Variants in RYR2 observed in about 807,000 individuals in gnomAD.
RYR2 encodes the protein cardiac muscle ryanodine receptor-calcium release channel.
A neutral mutation model predicts 601.1 loss-of-function variants in RYR2; 227 were observed. The ratio of observed to expected loss-of-function variants is 0.38; its 90% confidence interval spans 0.34 to 0.42. RYR2 has a LOEUF of 0.42. RYR2 is among the 10% of genes least tolerant of loss of function. The pLI, the probability that RYR2 is intolerant of heterozygous loss-of-function variation, is 1.00. For synonymous variants in RYR2, 2,223 were observed against 2,175.1 expected (o/e 1.02, Z -0.61); for missense variants, 4,646 against 6,156.5 (o/e 0.75, Z 8.21).
intron 35 of RYR2, among the ~76,000 whole-genome samples, chr1:237,606,554 T>C (rs921985747): frequency 7.2e-5 from 11 of 151,952 alleles, no homozygotes; most frequent in African/African-American, 2.7e-4. Context: ...CAACAAAAAC[T>C]AAAATTGACA....
intron 1 of RYR2, among the ~76,000 whole-genome samples, chr1:237,044,956 C>T (rs201866906): frequency 6.9e-6 from 1 of 144,574 alleles, no homozygotes; most frequent in African/African-American, 2.5e-5. Context: ...TCTTCTTCTT[C>T]TTTTTTTTTT....
intron 34 of RYR2, among the ~76,000 whole-genome samples, chr1:237,597,456 A>C (rs1256650909): frequency 6.6e-6 from 1 of 151,488 alleles, no homozygotes; most frequent in Non-Finnish European, 1.5e-5. Flanking sequence ...TAATTTTTGT[A>C]TTTTTAATAG....
chr1:237,326,176 G>A (rs1249286581), intron 2 of RYR2, among the ~76,000 whole-genome samples: 1 of 152,050 alleles, frequency 6.6e-6, no homozygotes, highest in Non-Finnish European at 1.5e-5. Flanking sequence ...AGCCAGCAAA[G>A]CCAGATGCTG....
chr1:237,535,758 T>G (rs919857316), intron 25 of RYR2, among the ~76,000 whole-genome samples: 7 of 152,198 alleles, frequency 4.6e-5, no homozygotes, highest in African/African-American at 1.4e-4. Context: ...AAGCTGAGTT[T>G]ATCCTAGTAG....
chr1:237,422,337 C>T (rs2150054095), intron 11 of RYR2, among the ~76,000 whole-genome samples: 1 of 152,224 alleles, frequency 6.6e-6, no homozygotes, highest in East Asian at 1.9e-4. Context: ...GCATATCCAT[C>T]ATCTCAAACG....
intron 3 of RYR2, among the ~76,000 whole-genome samples, chr1:237,341,466 A>AT (rs1247468201): frequency 2.0e-5 from 3 of 152,232 alleles, no homozygotes; most frequent in South Asian, 2.1e-4. Flanking sequence ...TCCTTCCTGC[A>AT]TTTTTTTGGT....
Position 237,391,927 on chromosome 1 carries a change from G to A in RYR2, c.773+3744G>A, listed in dbSNP as rs6429008. On this transcript the variant is annotated intron_variant, in intron 10 of 104. Transcript: ENST00000366574. ...ATTTTGCTTTTATGGATTGAATCCT[G>A]ACGTGTTCATGAAATACAGCATCAT... is the stretch of plus-strand genomic sequence containing the variant. Among the ~76,000 whole-genome samples the A allele has an allele frequency of 5.6e-3, 858 of 152,128 alleles. 14 individuals carry two copies. The highest frequency in any genetic ancestry group is 0.02 in the African/African-American group (823 of 41,522).
At chr1:237,443,905 T>C (rs561183008) in intron 13 of RYR2, among the ~76,000 whole-genome samples, 1 of 152,320 alleles carries the variant, frequency 6.6e-6, no homozygotes, top group South Asian at 2.1e-4. Flanking sequence ...CAGCTGGTCC[T>C]AGGTCTTTTA....
intron 79 of RYR2, among the ~76,000 whole-genome samples, chr1:237,736,577 T>G (rs562066153): frequency 6.6e-6 from 1 of 152,268 alleles, no homozygotes; most frequent in East Asian, 1.9e-4. Flanking sequence ...GCTCTCTCTC[T>G]GAAGACAAAA....
At chr1:237,722,442 T>A (rs1689806919) in intron 73 of RYR2, among the ~76,000 whole-genome samples, 1 of 151,754 alleles carries the variant, frequency 6.6e-6, no homozygotes, top group African/African-American at 2.4e-5. Flanking sequence ...TTTAATTTTT[T>A]TTTTTTTTTG....
At chr1:237,665,743 A>G (rs1684270398) in intron 56 of RYR2, among the ~76,000 whole-genome samples, 1 of 152,148 alleles carries the variant, frequency 6.6e-6, no homozygotes, top group African/African-American at 2.4e-5. Context: ...TGTAACACTC[A>G]CTTTTATTTC....
At chr1:237,546,074 A>G (rs1484779919) in intron 25 of RYR2, among the ~76,000 whole-genome samples, 4 of 151,788 alleles carry the variant, frequency 2.6e-5, no homozygotes, top group South Asian at 2.1e-4. Flanking sequence ...CAGTTTATAG[A>G]TTTGCCTATT....
At chr1:237,689,032 G>T (rs1686702016) in intron 63 of RYR2, among the ~76,000 whole-genome samples, 1 of 152,120 alleles carries the variant, frequency 6.6e-6, no homozygotes, top group South Asian at 2.1e-4. Flanking sequence ...GGATGTCGTG[G>T]TGAGAGAATC....
rs1085307711 is a variant in RYR2 at position 237,798,146 on chromosome 1, A to G, written c.14066A>G (p.Lys4689Arg). The G allele has an allele frequency of 1.2e-6, 2 of 1,612,568 alleles. No individual in the cohort carries two copies. Among genetic ancestry groups the G allele is most frequent in the African/African-American group, 2.7e-5 (2 of 74,922 alleles). Reference protein sequence around the residue: ...FSDAREKKKPKKDSSLSAVLN... With the variant: ...FSDAREKKKPRKDSSLSAVLN... ...GATGCCAGAGAAAAGAAGAAGCCAA[A>G]GAAAGACAGCTCCTTATCAGCTGTG... Residue 4689 changes from lysine to arginine, a missense_variant, in exon 97 of 105, where the codon AAG becomes AGG. Lys to Arg is a conservative substitution (Grantham distance 26). Around this residue, in one of 17 missense-constraint regions of RYR2, gnomAD observed 76 missense variants for 97.4 expected, o/e 0.78. Coordinates refer to ENST00000366574, the MANE Select transcript of RYR2 (RefSeq NM_001035.3).
At chr1:237,167,362 T>A (rs1414112879) in intron 1 of RYR2, among the ~76,000 whole-genome samples, 1 of 152,190 alleles carries the variant, frequency 6.6e-6, no homozygotes, top group African/African-American at 2.4e-5. Context: ...AGTTATCACA[T>A]CAAATAGAGT....
chr1:237,528,408 G>A (rs1667799197), intron 24 of RYR2, among the ~76,000 whole-genome samples: 1 of 152,114 alleles, frequency 6.6e-6, no homozygotes, highest in African/African-American at 2.4e-5. Flanking sequence ...TGGGGTTCAG[G>A]CATCCACTGG....
At chr1:237,570,578 A>G (rs530742681) in intron 29 of RYR2, among the ~76,000 whole-genome samples, 35 of 152,044 alleles carry the variant, frequency 2.3e-4, no homozygotes, top group Non-Finnish European at 4.1e-4. Flanking sequence ...ACCTCAGGTG[A>G]TCCACCCACC....
At chr1:237,402,400 A>G (rs572174439) in intron 10 of RYR2, among the ~76,000 whole-genome samples, 5 of 145,246 alleles carry the variant, frequency 3.4e-5, no homozygotes, top group African/African-American at 1.3e-4. Flanking sequence ...AAAAAAAAAG[A>G]AAAAAAAATA....
At chr1:237,435,409 A>G (rs944502905) in intron 12 of RYR2, among the ~76,000 whole-genome samples, 1 of 152,264 alleles carries the variant, frequency 6.6e-6, no homozygotes, top group South Asian at 2.1e-4. Context: ...TAAAGATTTT[A>G]TAAAGAACTT....
Sources: allele counts gnomAD v4.1 joint callset (sites outside exome capture counted in the v4.1 genomes callset), GRCh38; gene constraint gnomAD v4.1.1; regional missense constraint gnomAD v4.1.1; transcripts MANE v1.5; gene names NCBI Gene and HGNC (gene_info 2026-07-23, HGNC 2026-07-21).